Variants in TRAK1 observed in about 807,000 individuals in gnomAD.
The protein encoded by TRAK1 is trafficking kinesin protein 1.
Under a neutral mutation model 92.1 loss-of-function variants are expected in TRAK1, and 33 were observed. The observed-to-expected ratio is 0.36, with a 90% CI of 0.27 to 0.48. The LOEUF is 0.48. Ranked by LOEUF, TRAK1 falls within the 20% of genes least tolerant of loss-of-function variation. The pLI, the probability that TRAK1 is intolerant of heterozygous loss-of-function variation, is 0.99. For synonymous variants in TRAK1, 521 were observed against 517.3 expected (o/e 1.01, Z -0.10); for missense variants, 1,123 against 1,257.9 (o/e 0.89, Z 1.62).
intron 14 of TRAK1, among the ~76,000 whole-genome samples, chr3:42,213,850 C>T (rs903192622): frequency 6.6e-6 from 1 of 152,072 alleles, no homozygotes; most frequent in African/African-American, 2.4e-5. Flanking sequence ...GGGAACACTT[C>T]GATTCAGCCT....
intron 1 of TRAK1, among the ~76,000 whole-genome samples, chr3:42,060,337 G>A (rs1199875775): frequency 6.6e-6 from 1 of 151,944 alleles, no homozygotes; most frequent in Non-Finnish European, 1.5e-5. Flanking sequence ...ACCACGGTGG[G>A]GGGTGGGGGG....
At chr3:42,089,314 A>G (rs1197021277), upstream of TRAK1, among the ~76,000 whole-genome samples, 2 of 152,134 alleles carry the variant, frequency 1.3e-5, no homozygotes, top group Non-Finnish European at 2.9e-5. Flanking sequence ...CACCTGGATG[A>G]CCGCACTGGC....
At chr3:42,222,798 C>A in intron 15 of TRAK1, 144 bp from the exon 16 acceptor site, 1 of 783,194 alleles carries the variant, frequency 1.3e-6, no homozygotes, top group Non-Finnish European at 2.0e-6. Flanking sequence ...CAGACGTGGA[C>A]AGAGCCTTTG....
intron 3 of TRAK1, among the ~76,000 whole-genome samples, chr3:42,180,679 A>AG (rs1418160321): frequency 7.6e-6 from 1 of 131,036 alleles, no homozygotes; most frequent in Non-Finnish European, 1.7e-5. Flanking sequence ...ACCTGTCTCA[A>AG]AAAAAAAAAA....
intron 2 of TRAK1, among the ~76,000 whole-genome samples, chr3:42,153,976 A>G (rs927629904): frequency 6.6e-6 from 1 of 152,158 alleles, no homozygotes; most frequent in Non-Finnish European, 1.5e-5. Context: ...TTAAAAAAAG[A>G]AAAAGAATGA....
At chr3:42,217,412 G>A (rs1709844104) in intron 14 of TRAK1, 1 of 985,234 alleles carries the variant, frequency 1.0e-6, no homozygotes, top group South Asian at 4.7e-5. Context: ...GGGGAATGGT[G>A]ACTTGTGAAT....
At chr3:42,145,803 C>A in intron 2 of TRAK1, 3 of 231,492 alleles carry the variant, frequency 1.3e-5, no homozygotes, top group Non-Finnish European at 2.5e-5. Flanking sequence ...AGCTAGTGGG[C>A]CTGCATGTTT....
chr3:42,118,299 C>T (rs569736234), intron 1 of TRAK1, among the ~76,000 whole-genome samples: 1 of 151,772 alleles, frequency 6.6e-6, no homozygotes, highest in African/African-American at 2.4e-5. Flanking sequence ...ACCATGTTGG[C>T]CAGGCTGGTT....
intron 4 of TRAK1, among the ~76,000 whole-genome samples, chr3:42,187,181 G>A (rs530175228): frequency 1.3e-5 from 2 of 152,256 alleles, no homozygotes; most frequent in East Asian, 1.9e-4. Context: ...CATTGAGCAC[G>A]GAACGAGGTC....
chr3:42,172,358 A>C (rs1702676032), intron 2 of TRAK1, among the ~76,000 whole-genome samples: 1 of 152,166 alleles, frequency 6.6e-6, no homozygotes, highest in Non-Finnish European at 1.5e-5. Context: ...TTGTTGTCCC[A>C]GTGAGAAGCC....
chr3:42,078,268 A>G (rs1458067143), intron 1 of TRAK1, among the ~76,000 whole-genome samples: 2 of 152,182 alleles, frequency 1.3e-5, no homozygotes, highest in Non-Finnish European at 2.9e-5. Flanking sequence ...CATCCCCTCA[A>G]GATTTCTACC....
At chr3:42,200,286 A>C (rs902013079) in intron 11 of TRAK1, among the ~76,000 whole-genome samples, 1 of 152,216 alleles carries the variant, frequency 6.6e-6, no homozygotes, top group Non-Finnish European at 1.5e-5. Context: ...TTCTGCTCCT[A>C]AAATAACACT....
At chr3:42,068,524 G>C (rs986184994) in intron 1 of TRAK1, among the ~76,000 whole-genome samples, 1 of 152,190 alleles carries the variant, frequency 6.6e-6, no homozygotes, top group East Asian at 1.9e-4. Context: ...TGGGCATAAA[G>C]AGTGAATCAT....
At chr3:42,134,098 A>G (rs542994485) in intron 2 of TRAK1, among the ~76,000 whole-genome samples, 54 of 152,210 alleles carry the variant, frequency 3.5e-4, no homozygotes, top group African/African-American at 1.2e-3. Flanking sequence ...GCCTAGGCAC[A>G]TGAGACAGTG....
intron 1 of TRAK1, among the ~76,000 whole-genome samples, chr3:42,067,132 G>C (rs1432793981): frequency 6.6e-6 from 1 of 152,160 alleles, no homozygotes; most frequent in African/African-American, 2.4e-5. Context: ...TACTCAAGTT[G>C]ATTTAAGTCT....
At chr3:42,153,278 C>CCTAT (rs1359915227) in intron 2 of TRAK1, among the ~76,000 whole-genome samples, 3 of 151,928 alleles carry the variant, frequency 2.0e-5, no homozygotes, top group Non-Finnish European at 4.4e-5. Context: ...GTGGCATGCG[C>CCTAT]CTATAGTCCC....
intron 2 of TRAK1, among the ~76,000 whole-genome samples, chr3:42,171,106 CGCGT>C (rs1702506715): frequency 6.6e-6 from 1 of 152,022 alleles, no homozygotes; most frequent in Non-Finnish European, 1.5e-5. Flanking sequence ...TGAGCCACCG[CGCGT>C]GGCCCTGAAT....
intron 1 of TRAK1, among the ~76,000 whole-genome samples, chr3:42,038,355 C>T (rs1187950213): frequency 6.6e-6 from 1 of 152,178 alleles, no homozygotes; most frequent in Non-Finnish European, 1.5e-5. Flanking sequence ...GGCAGGTTCT[C>T]ACTCCGTTGT....
At chr3:42,042,169 C>T (rs1322563150) in intron 1 of TRAK1, among the ~76,000 whole-genome samples, 3 of 151,846 alleles carry the variant, frequency 2.0e-5, no homozygotes, top group African/African-American at 7.3e-5. Context: ...TCAGGTGATC[C>T]TCCCACCTTG....
Sources: allele counts gnomAD v4.1 joint callset (sites outside exome capture counted in the v4.1 genomes callset), GRCh38; gene constraint gnomAD v4.1.1; transcripts MANE v1.5; gene names NCBI Gene and HGNC (gene_info 2026-07-23, HGNC 2026-07-21).